ARHGAP29: variants seen among roughly 807,000 people sequenced by gnomAD.
The protein encoded by ARHGAP29 is rho GTPase-activating protein 29.
Under a neutral mutation model 122.6 loss-of-function variants are expected in ARHGAP29, and 43 were observed. The ratio of observed to expected loss-of-function variants is 0.35; its 90% CI spans 0.27 to 0.45. The LOEUF (loss-of-function observed/expected upper bound fraction) is 0.45. Among genes scored for constraint, ARHGAP29 ranks in the 20% least tolerant of loss-of-function variants. ARHGAP29 has a pLI of 1.00. For missense variants in ARHGAP29, 1,303 were observed against 1,477.2 expected (o/e 0.88, Z 1.93); for synonymous variants, 506 against 497.1 (o/e 1.02, Z -0.24).
At chr1:94,181,449 T>C (rs149526609) in intron 19 of ARHGAP29, among the ~76,000 whole-genome samples, 2 of 152,278 alleles carry the variant, frequency 1.3e-5, no homozygotes, top group African/African-American at 2.4e-5. Context: ...GGACTACACA[T>C]GCCATTCTAA....
chr1:94,231,031 G>A (rs1460349949), intron 2 of ARHGAP29, among the ~76,000 whole-genome samples: 1 of 151,766 alleles, frequency 6.6e-6, no homozygotes, highest in Non-Finnish European at 1.5e-5. Flanking sequence ...TTAGGTAACA[G>A]TGTCAACAAT....
intron 3 of ARHGAP29, among the ~76,000 whole-genome samples, chr1:94,216,091 G>A (rs1651941184): frequency 6.6e-6 from 1 of 152,066 alleles, no homozygotes; most frequent in Non-Finnish European, 1.5e-5. Context: ...CTATCAGAAG[G>A]GCAGAACCTA....
chr1:94,228,586 T>C (rs1248132046), intron 2 of ARHGAP29, among the ~76,000 whole-genome samples: 9 of 151,806 alleles, frequency 5.9e-5, no homozygotes, highest in Admixed American at 6.6e-5. Context: ...CAATAAGACA[T>C]TGATGAAATC....
At chr1:94,199,813 G>A (rs1434000378) in intron 12 of ARHGAP29, among the ~76,000 whole-genome samples, 4 of 152,156 alleles carry the variant, frequency 2.6e-5, no homozygotes, top group African/African-American at 9.7e-5. Flanking sequence ...TTGTGGCCCT[G>A]TGTGGATTGA....
At chr1:94,243,586 A>G (rs796150066) in intron 1 of ARHGAP29, among the ~76,000 whole-genome samples, 3 of 152,068 alleles carry the variant, frequency 2.0e-5, no homozygotes, top group African/African-American at 4.8e-5. Context: ...GCTTTATTGT[A>G]AAAGAGAAGG....
At chr1:94,276,040 T>G (rs1655176240), upstream of ARHGAP29, among the ~76,000 whole-genome samples, 1 of 152,024 alleles carries the variant, frequency 6.6e-6, no homozygotes. Flanking sequence ...GGCAGATTAC[T>G]TGAGGCCAGG....
intron 19 of ARHGAP29, among the ~76,000 whole-genome samples, chr1:94,183,580 CAA>C (rs956754197): frequency 6.6e-6 from 1 of 152,116 alleles, no homozygotes; most frequent in African/African-American, 2.4e-5. Flanking sequence ...CCAGGTGCTC[CAA>C]ATGTAGTACA....
chr1:94,282,575 T>G, the ARHGAP29 span, among the ~76,000 whole-genome samples: 1 of 152,100 alleles, frequency 6.6e-6, no homozygotes, highest in African/African-American at 2.4e-5. Context: ...ATTACAGGCA[T>G]GACCACACGT....
At chr1:94,311,351 A>G in the ARHGAP29 span, among the ~76,000 whole-genome samples, 2 of 152,078 alleles carry the variant, frequency 1.3e-5, no homozygotes, top group East Asian at 1.9e-4. Context: ...AATGGAATCA[A>G]CCTTTTCTTC....
chr1:94,186,475 A>G (rs997109015), intron 16 of ARHGAP29, 24 bp downstream of exon 16: 2 of 1,537,764 alleles, frequency 1.3e-6, no homozygotes, highest in Non-Finnish European at 1.8e-6. Context: ...GTTTAGTGGG[A>G]CTTAATTCAG....
chr1:94,299,556 A>G, the ARHGAP29 span, among the ~76,000 whole-genome samples: 1 of 152,328 alleles, frequency 6.6e-6, no homozygotes. Flanking sequence ...CAGTAGTACC[A>G]GACATTTCTG....
chr1:94,249,679 A>T (rs1654004922), intron 1 of ARHGAP29, among the ~76,000 whole-genome samples: 1 of 152,006 alleles, frequency 6.6e-6, no homozygotes, highest in Non-Finnish European at 1.5e-5. Flanking sequence ...TGAACCCAGG[A>T]GGCAGAGGTT....
intron 2 of ARHGAP29, 118 bp downstream of exon 2, chr1:94,231,289 C>G: frequency 1.3e-6 from 1 of 791,812 alleles, no homozygotes; most frequent in South Asian, 1.8e-5. Flanking sequence ...GAAAAAAGCA[C>G]TAAAATAACT....
At chr1:94,247,641 G>T (rs1381642621) in intron 1 of ARHGAP29, among the ~76,000 whole-genome samples, 1 of 151,608 alleles carries the variant, frequency 6.6e-6, no homozygotes, top group East Asian at 1.9e-4. Context: ...GAGGGCTGGA[G>T]CTCGCCGCCC....
intron 1 of ARHGAP29, among the ~76,000 whole-genome samples, chr1:94,248,689 A>T (rs1399292525): frequency 6.6e-6 from 1 of 152,098 alleles, no homozygotes; most frequent in Non-Finnish European, 1.5e-5. Context: ...TCAAAGGAAG[A>T]TGTTTTTGTT....
chr1:94,309,858 CAAAG>C, the ARHGAP29 span, among the ~76,000 whole-genome samples: 1 of 152,126 alleles, frequency 6.6e-6, no homozygotes, highest in African/African-American at 2.4e-5. Flanking sequence ...AAATACAAAA[CAAAG>C]GGATGTTCTT....
At chr1:94,196,256 C>CTTTTTTTTTTTTTTTT (rs917635883) in intron 12 of ARHGAP29, among the ~76,000 whole-genome samples, 4 of 91,150 alleles carry the variant, frequency 4.4e-5, no homozygotes, top group Non-Finnish European at 5.8e-5. Context: ...CCGTGTTTTT[C>CTTTTTTTTTTTTTTTT]TTTTTTTTTT....
At chr1:94,206,584 C>T (rs2101529027) in intron 5 of ARHGAP29, among the ~76,000 whole-genome samples, 1 of 152,260 alleles carries the variant, frequency 6.6e-6, no homozygotes, top group South Asian at 2.1e-4. Flanking sequence ...AGGCATGGTA[C>T]ATAGTAACCA....
chr1:94,259,665 C>A (rs1344677393), intron 1 of ARHGAP29, among the ~76,000 whole-genome samples: 1 of 152,112 alleles, frequency 6.6e-6, no homozygotes, highest in Non-Finnish European at 1.5e-5. Flanking sequence ...TAGGGAGAAG[C>A]AACGAGGGAT....
Sources: gnomAD v4.1 joint callset for allele counts (sites outside exome capture counted in the v4.1 genomes callset) on GRCh38, gnomAD v4.1.1 for gene constraint, MANE v1.5 for transcripts, NCBI Gene and HGNC (gene_info 2026-07-23, HGNC 2026-07-21) for gene names.